Variants in KLRC1 observed in about 807,000 individuals in gnomAD.
The protein encoded by KLRC1 is NKG2-A/NKG2-B type II integral membrane protein.
A neutral mutation model predicts 25.9 loss-of-function variants in KLRC1; 22 were observed. The observed-to-expected ratio is 0.85, with a 90% CI of 0.61 to 1.21. The LOEUF (loss-of-function observed/expected upper bound fraction) is 1.21. Among genes scored for constraint, KLRC1 ranks in the 50% most tolerant of loss-of-function variants. The pLI is 0.00. For missense variants in KLRC1, 240 were observed against 272.2 expected, an observed-to-expected ratio of 0.88 and a Z score of 0.83; for synonymous variants, 77 against 93.1, an observed-to-expected ratio of 0.83 and a Z score of 0.99.
chr12:10,449,977 T>G lies in KLRC1; in HGVS notation c.284-10A>C, dbSNP rs766992076. ...CTCTGTATTAATGTAGCTAGAAAAA[T>G]TAAAGTAATCTTTGTAAAAAAATTA... is the stretch of plus-strand genomic sequence containing the variant. On this transcript the variant is annotated splice_polypyrimidine_tract_variant and intron_variant, in intron 3 of 6. Transcript: ENST00000359151. 4.1e-5 allele frequency: 60 copies of G among 1,460,478 alleles called. No homozygotes were observed. Among genetic ancestry groups the G allele is most frequent in the Non-Finnish European group, 5.5e-5 (60 of 1,100,448 alleles). The allele number at this position is 1,460,478 out of a possible 1,614,324, so 90.5% of individuals were successfully genotyped here.
intron 1 of KLRC1, 37 bp from the exon 2 acceptor site, chr12:10,451,224 TATATACA>T (rs1864120302): frequency 1.5e-6 from 2 of 1,313,468 alleles, no homozygotes; most frequent in Non-Finnish European, 2.0e-6. Flanking sequence ...ATAAATGGTT[TATATACA>T]GGATTCCCTA....
In KLRC1 at chr12:10,451,129, CT is replaced by C. The variant is rs1182405123; in HGVS notation, c.27del (p.Asp10ThrfsTer2). 1.2e-6 allele frequency: 2 copies of C among 1,613,736 alleles called. No homozygotes were observed. The highest frequency in any genetic ancestry group is 4.5e-5 in the East Asian group (2 of 44,858). On this transcript the variant is annotated frameshift_variant, in exon 2 of 7. Coordinates refer to ENST00000359151, the MANE Select transcript of KLRC1 (RefSeq NM_002259.5). LOFTEE classifies it high-confidence loss of function. ...TTTGGGTTTGGGGGCAGATTCAGGTCTGAGTAGATTACTCCTTGGTTATCCA... is the reference window on the plus strand; with the variant it reads ...TTTGGGTTTGGGGGCAGATTCAGGTCGAGTAGATTACTCCTTGGTTATCCA... Reference protein sequence around the residue: MDNQGVIYSDLNLPPNPKR... With the variant: MDNQGVIYXDLNLPPNPKR...
intron 5 of KLRC1, 25 bp downstream of exon 5, chr12:10,449,212 A>G (rs1216813622): frequency 6.2e-7 from 1 of 1,613,090 alleles, no homozygotes; most frequent in Admixed American, 1.7e-5. Flanking sequence ...CTTTTCATAA[A>G]GTGTTTAAAA....
Position 10,453,272 on chromosome 12 carries a change from G to A in KLRC1, c.-106C>T. On this transcript the variant is annotated 5_prime_UTR_variant, in exon 1 of 7. Transcript: ENST00000359151. The stretch of plus-strand genomic sequence containing the variant: ...TCTCATAAAAAGGCCTGCTATAGCT[G>A]TGTAATAAAAGGTGAAATTTAAAGG... The A allele has an allele frequency of 1.0e-6, 1 of 985,282 alleles. No homozygotes were observed. Among genetic ancestry groups the A allele is most frequent in the Non-Finnish European group, 1.2e-6 (1 of 829,808 alleles). The allele number at this position is 985,282 out of a possible 1,614,324, so 61.0% of individuals were successfully genotyped here.
chr12:10,454,103 G>A (rs143670154), upstream of KLRC1, among the ~76,000 whole-genome samples: 1 of 152,262 alleles, frequency 6.6e-6, no homozygotes, highest in East Asian at 1.9e-4. Context: ...CTATGTATGG[G>A]GAAAAAGTAA....
rs1373564188 is a variant in KLRC1, at chr12:10,446,580, T to C, written c.673A>G (p.Ile225Val). The change falls in exon 7 of 7, where the codon ATA (isoleucine) becomes GTA (valine). Residue 225 changes from isoleucine (I) to valine (V), a missense_variant. Coordinates refer to ENST00000359151, the MANE Select transcript of KLRC1 (RefSeq NM_002259.5). ...AGCTTATGCTTACAATGATATATTA[T>C]TGAAGATCCACACTGGGCTGATTTA... ...RLKSAQCGSS[I>V]IYHCKHKL 25 of 1,613,834 alleles carry C rather than the reference T, an allele frequency of 1.5e-5. No individual in the cohort carries two copies. In the East Asian group the frequency reaches 4.7e-4, roughly 30 times the overall value.
chr12:10,454,644 C>T (rs1037713270), upstream of KLRC1: 6 of 985,024 alleles, frequency 6.1e-6, no homozygotes, highest in African/African-American at 1.7e-5. Flanking sequence ...ACAGAAGATA[C>T]TAAAATGGCC....
At chr12:10,448,002 A>C (rs35320570) in intron 5 of KLRC1, among the ~76,000 whole-genome samples, 1 of 152,150 alleles carries the variant, frequency 6.6e-6, no homozygotes, top group Non-Finnish European at 1.5e-5. Flanking sequence ...TTCAGAAATA[A>C]ATGACATGGA....
downstream of KLRC1, among the ~76,000 whole-genome samples, chr12:10,443,646 G>A (rs1317150018): frequency 5.7e-5 from 8 of 141,374 alleles, no homozygotes; most frequent in African/African-American, 8.1e-5. Flanking sequence ...AACTAGACAC[G>A]TAGTTATCAC....
intron 5 of KLRC1, 75 bp downstream of exon 5, chr12:10,449,162 T>C (rs1864066177): frequency 2.5e-6 from 4 of 1,579,060 alleles, no homozygotes; most frequent in Admixed American, 3.4e-5. Flanking sequence ...TACCCACACA[T>C]ATGGATGATT....
chr12:10,448,024 G>T (rs1323274808), intron 5 of KLRC1, among the ~76,000 whole-genome samples: 1 of 152,120 alleles, frequency 6.6e-6, no homozygotes, highest in Non-Finnish European at 1.5e-5. Context: ...GCTACATATT[G>T]GGTTTTCTGG....
chr12:10,453,734 T>C (rs970858058), upstream of KLRC1, among the ~76,000 whole-genome samples: 3 of 152,170 alleles, frequency 2.0e-5, no homozygotes, highest in Non-Finnish European at 4.4e-5. Flanking sequence ...AGTAATATTA[T>C]CAACTGATAT....
chr12:10,445,602 C>T (rs564585854), downstream of KLRC1, among the ~76,000 whole-genome samples: 3 of 151,852 alleles, frequency 2.0e-5, no homozygotes, highest in South Asian at 2.1e-4. Flanking sequence ...AATAAAACTA[C>T]GTTATAGCAT....
At chr12:10,445,091 T>C (rs1480425558), downstream of KLRC1, among the ~76,000 whole-genome samples, 1 of 151,852 alleles carries the variant, frequency 6.6e-6, no homozygotes, top group Non-Finnish European at 1.5e-5. Flanking sequence ...AGCTAGTTTT[T>C]GTATTTTTAG....
rs1421931756 is a variant in KLRC1, at chr12:10,453,179, G to A, written c.-32+19C>T. 5 of 976,250 alleles carry A rather than the reference G, an allele frequency of 5.1e-6. No homozygotes were observed. The highest frequency in any genetic ancestry group is 6.1e-6 in the Non-Finnish European group (5 of 821,704). The allele number at this position is 976,250 out of a possible 1,614,324, so 60.5% of individuals were successfully genotyped here. On this transcript the variant is annotated intron_variant, in intron 1 of 6. Coordinates refer to ENST00000359151, the MANE Select transcript of KLRC1 (RefSeq NM_002259.5). ...AAATGAGGTAGGCTAGTAGAGAGTT[G>A]GAGAGTAGCAATACATACCTTCTGT...
At position 10,450,050 on chromosome 12, in the gene KLRC1, TG is replaced by T. The variant is rs1721209624; in HGVS notation, c.284-84del. On this transcript the variant is annotated intron_variant, in intron 3 of 6. Coordinates refer to ENST00000359151, the MANE Select transcript of KLRC1 (RefSeq NM_002259.5). ...TTTTAAGTTTTTGTTTGAATTTTTT[TG>T]TATTATTTAGAGTTAGAATAATATG... 3 of 1,106,508 alleles carry T rather than the reference TG, an allele frequency of 2.7e-6. No individual in the cohort carries two copies. In the South Asian group the frequency reaches 6.0e-5, roughly 22 times the overall value. 68.5% of individuals were successfully genotyped at this position (1,106,508 alleles called of 1,614,324 possible).
intron 5 of KLRC1, 120 bp from the exon 6 acceptor site, chr12:10,447,752 T>C: frequency 1.3e-6 from 1 of 771,840 alleles, no homozygotes. Flanking sequence ...GTTTATAATT[T>C]TGATATAAAT....
rs371508175 is a variant in KLRC1, at chr12:10,451,193, A to G, written c.-31-6T>C. On this transcript the variant is annotated splice_region_variant and splice_polypyrimidine_tract_variant and intron_variant, in intron 1 of 6. Transcript: ENST00000359151. ...GTGATGTCAGGGACTGTACTCTATA[A>G]TAACAGTAGTTAAGAAGTTAATAAA... 7.2e-5 allele frequency: 110 copies of G among 1,519,808 alleles called. No individual in the cohort carries two copies. Among genetic ancestry groups the G allele is most frequent in the Middle Eastern group, 7.0e-4 (4 of 5,734 alleles). 94.1% of individuals were successfully genotyped at this position (1,519,808 alleles called of 1,614,324 possible).
Position 10,446,263 on chromosome 12 carries a change from C to T in KLRC1, c.*288G>A. 1.5e-5 allele frequency: 9 copies of T among 598,844 alleles called. No homozygotes were observed. The highest frequency in any genetic ancestry group is 2.0e-5 in the Non-Finnish European group (9 of 442,028). The allele number at this position is 598,844 out of a possible 1,614,324, so 37.1% of individuals were successfully genotyped here. On this transcript the variant is annotated 3_prime_UTR_variant, in exon 7 of 7. Coordinates refer to ENST00000359151, the MANE Select transcript of KLRC1 (RefSeq NM_002259.5). ...GCAACCACTATTCTACTTTCTGTCT[C>T]CATGGGTTTGACTGTTCTTGGTACT...
Sources: allele counts gnomAD v4.1 joint callset (sites outside exome capture counted in the v4.1 genomes callset), GRCh38; gene constraint gnomAD v4.1.1; transcripts MANE v1.5; gene names NCBI Gene and HGNC (gene_info 2026-07-23, HGNC 2026-07-21).